MYOZ3: variants seen among roughly 807,000 people sequenced by gnomAD.
The protein encoded by MYOZ3 is myozenin-3.
A neutral mutation model predicts 26.5 loss-of-function variants in MYOZ3; 19 were observed. The observed-to-expected ratio is 0.72, with a 90% CI of 0.50 to 1.05. The LOEUF (loss-of-function observed/expected upper bound fraction) is 1.05. MYOZ3 is among the 50% of genes least tolerant of loss of function. The pLI, the probability that MYOZ3 is intolerant of heterozygous loss-of-function variation, is 0.00. For synonymous variants in MYOZ3, 135 were observed against 138.8 expected (o/e 0.97, Z 0.19); for missense variants, 322 against 337.1 (o/e 0.96, Z 0.35).
chr5:150,670,289 A>T (rs1236980385), intron 2 of MYOZ3, 195 bp from the exon 3 acceptor site: 6 of 508,514 alleles, frequency 1.2e-5, no homozygotes, highest in Non-Finnish European at 2.0e-5. Flanking sequence ...AGCAACAAAC[A>T]CATGCAAATT....
chr5:150,668,344 A>C (rs10038993), intron 2 of MYOZ3, among the ~76,000 whole-genome samples: 21,571 of 152,198 alleles, frequency 0.14, 2,886 homozygotes, highest in African/African-American at 0.36. Flanking sequence ...ATCTTCCTTG[A>C]CACATCAGCA....
intron 6 of MYOZ3, among the ~76,000 whole-genome samples, chr5:150,675,224 G>A (rs1361960549): frequency 4.0e-5 from 6 of 151,412 alleles, no homozygotes; most frequent in South Asian, 2.1e-4. Context: ...GGGGAATGGC[G>A]TTTGTGTGTG....
intron 2 of MYOZ3, among the ~76,000 whole-genome samples, chr5:150,668,505 T>C (rs10036981): frequency 0.14 from 21,490 of 152,138 alleles, 2,845 homozygotes; most frequent in African/African-American, 0.36. Context: ...CTGTAAATGT[T>C]GGAGGCCCCA....
At chr5:150,672,641 T>G in intron 6 of MYOZ3, 139 bp downstream of exon 6, 1 of 1,065,692 alleles carries the variant, frequency 9.4e-7, no homozygotes, top group Non-Finnish European at 1.3e-6. Context: ...TTGACTGAGC[T>G]CTGGCTGGAA....
intron 2 of MYOZ3, among the ~76,000 whole-genome samples, chr5:150,666,033 T>TA (rs61227926): frequency 2.8e-3 from 324 of 115,790 alleles, no homozygotes; most frequent in East Asian, 0.011. Context: ...GAAACTCGTC[T>TA]AAAAAAAAAA....
intron 6 of MYOZ3, chr5:150,673,208 T>C (rs1057379689): frequency 2.6e-5 from 4 of 152,314 alleles, no homozygotes; most frequent in African/African-American, 7.2e-5. Flanking sequence ...TGAGCCTCCA[T>C]TGCCCCACCT....
intron 4 of MYOZ3, 39 bp from the exon 5 acceptor site, chr5:150,671,716 G>A: frequency 1.2e-6 from 2 of 1,613,286 alleles, no homozygotes; most frequent in Non-Finnish European, 1.7e-6. Flanking sequence ...GGGGGCGGGA[G>A]GTCGTCGGTG....
chr5:150,660,951 A>ATCGG (rs1561666924), upstream of MYOZ3: 1 of 152,068 alleles, frequency 6.6e-6, no homozygotes, highest in Non-Finnish European at 1.5e-5. Flanking sequence ...TCATTCATCC[A>ATCGG]TCTATCTATC....
At chr5:150,664,769 A>C (rs1353728654) in intron 2 of MYOZ3, among the ~76,000 whole-genome samples, 1 of 152,128 alleles carries the variant, frequency 6.6e-6, no homozygotes, top group East Asian at 1.9e-4. Context: ...TCTTTATTAC[A>C]TGGTTACAAT....
intron 5 of MYOZ3, 112 bp from the exon 6 acceptor site, chr5:150,672,228 T>A: frequency 6.8e-7 from 1 of 1,480,808 alleles, no homozygotes; most frequent in African/African-American, 1.4e-5. Flanking sequence ...TCCTCTCCCC[T>A]AACTCCGATC....
At chr5:150,674,371 C>T (rs546108162) in intron 6 of MYOZ3, among the ~76,000 whole-genome samples, 1 of 152,368 alleles carries the variant, frequency 6.6e-6, no homozygotes, top group Non-Finnish European at 1.5e-5. Context: ...TTAGGGAGCC[C>T]TGCATCCAGA....
In MYOZ3 at chr5:150,676,818, C is replaced by T. The variant is rs756944205; in HGVS notation, c.699C>T (p.Ser233=). Residue 233 remains serine (S), a synonymous_variant, in exon 7 of 7, where the codon AGC becomes AGT. Coordinates refer to ENST00000517768, the MANE Select transcript of MYOZ3 (RefSeq NM_001122853.3). Reference sequence around the variant, plus strand: ...TGGAACTCCTCCGTCTCAGACCCAGCTTCAACAGAGTGGCCCAGGGCTGGG... The same window carrying T: ...TGGAACTCCTCCGTCTCAGACCCAGTTTCAACAGAGTGGCCCAGGGCTGGG... ...SGLELLRLRP[S]FNRVAQGWVR... 1.2e-6 allele frequency: 2 copies of T among 1,613,936 alleles called. No individual in the cohort carries two copies. Among genetic ancestry groups the T allele is most frequent in the South Asian group, 1.1e-5 (1 of 91,084 alleles).
At chr5:150,667,419 G>A (rs892531719) in intron 2 of MYOZ3, among the ~76,000 whole-genome samples, 1 of 152,136 alleles carries the variant, frequency 6.6e-6, no homozygotes, top group Non-Finnish European at 1.5e-5. Context: ...CTACTTGCTT[G>A]CATCTGCACC....
At chr5:150,672,239 T>G in intron 5 of MYOZ3, 101 bp from the exon 6 acceptor site, 1 of 1,516,790 alleles carries the variant, frequency 6.6e-7, no homozygotes, top group Non-Finnish European at 9.0e-7. Context: ...AACTCCGATC[T>G]TCCCTCCTCC....
At chr5:150,665,834 G>T (rs1418167913) in intron 2 of MYOZ3, among the ~76,000 whole-genome samples, 1 of 151,754 alleles carries the variant, frequency 6.6e-6, no homozygotes, top group Non-Finnish European at 1.5e-5. Flanking sequence ...TTGGGAGCTC[G>T]AGACCAGCCT....
rs112128487 is a variant in MYOZ3 at position 150,666,311 on chromosome 5, AT to A, written c.61+3315del. 2.0e-4 allele frequency among the ~76,000 whole-genome samples: 31 copies of A among 151,772 alleles called. 1 individual carries two copies. Among genetic ancestry groups the A allele is most frequent in the African/African-American group, 7.5e-4 (31 of 41,378 alleles). ...TCAATGCATGCAAAAACACATACTT[AT>A]TTTTTAATATAGAAATGGGGGCCGG... On this transcript the variant is annotated intron_variant, in intron 2 of 6. Coordinates refer to ENST00000517768, the MANE Select transcript of MYOZ3 (RefSeq NM_001122853.3).
chr5:150,673,251 A>G (rs1206751567), intron 6 of MYOZ3: 1 of 152,214 alleles, frequency 6.6e-6, no homozygotes, highest in African/African-American at 2.4e-5. Context: ...CCTGCTTCAT[A>G]AAGTTGCTAT....
chr5:150,675,562 G>C (rs1053190492), intron 6 of MYOZ3, among the ~76,000 whole-genome samples: 1 of 152,012 alleles, frequency 6.6e-6, no homozygotes, highest in Non-Finnish European at 1.5e-5. Flanking sequence ...TACTAGCGAC[G>C]GGGTTTCACC....
At chr5:150,674,396 G>T (rs776066562) in intron 6 of MYOZ3, among the ~76,000 whole-genome samples, 7 of 152,240 alleles carry the variant, frequency 4.6e-5, no homozygotes, top group Non-Finnish European at 8.8e-5. Context: ...TTCTGAGGGA[G>T]AAAGACCAAC....
Sources: allele counts gnomAD v4.1 joint callset (sites outside exome capture counted in the v4.1 genomes callset), GRCh38; gene constraint gnomAD v4.1.1; transcripts MANE v1.5; gene names NCBI Gene and HGNC (gene_info 2026-07-23, HGNC 2026-07-21).